FAM117B: variants seen among roughly 807,000 people sequenced by gnomAD.
The protein encoded by FAM117B is family with sequence similarity 117 member B, also known as protein FAM117B.
A neutral mutation model predicts 52.8 loss-of-function variants in FAM117B; 22 were observed. The observed-to-expected ratio is 0.42, with a 90% CI of 0.30 to 0.59. FAM117B has a LOEUF of 0.59. Ranked by LOEUF, FAM117B falls within the 20% of genes least tolerant of loss-of-function variation. The pLI is 0.22. For synonymous variants in FAM117B, 309 were observed against 324.1 expected (o/e 0.95, Z 0.50); for missense variants, 678 against 802.6 (o/e 0.84, Z 1.88).
At chr2:202,685,960 G>C (rs1051897900) in intron 1 of FAM117B, among the ~76,000 whole-genome samples, 1 of 152,104 alleles carries the variant, frequency 6.6e-6, no homozygotes, top group African/African-American at 2.4e-5. Context: ...AATGCTATTC[G>C]AAAGGCACCA....
chr2:202,652,539 G>C (rs1689972689), intron 1 of FAM117B, among the ~76,000 whole-genome samples: 1 of 152,178 alleles, frequency 6.6e-6, no homozygotes, highest in South Asian at 2.1e-4. Flanking sequence ...GTACAAAGAA[G>C]AACATATGTA....
chr2:202,720,514 T>G (rs1342830821), intron 2 of FAM117B, among the ~76,000 whole-genome samples: 1 of 151,994 alleles, frequency 6.6e-6, no homozygotes, highest in Non-Finnish European at 1.5e-5. Flanking sequence ...ATTTTCTATA[T>G]AGCTACAACA....
intron 4 of FAM117B, among the ~76,000 whole-genome samples, chr2:202,741,344 G>A (rs550002245): frequency 1.7e-4 from 23 of 138,678 alleles, no homozygotes; most frequent in South Asian, 9.6e-4. Flanking sequence ...CACTGAACCC[G>A]GGAGGTGGAG....
chr2:202,722,777 G>A (rs1475643961), intron 2 of FAM117B, among the ~76,000 whole-genome samples: 1 of 151,564 alleles, frequency 6.6e-6, no homozygotes, highest in African/African-American at 2.4e-5. Context: ...CCCATGACAC[G>A]AGTTTACCTG....
intron 2 of FAM117B, among the ~76,000 whole-genome samples, chr2:202,704,675 T>C (rs941328433): frequency 6.6e-6 from 1 of 152,284 alleles, no homozygotes; most frequent in Non-Finnish European, 1.5e-5. Context: ...CACTGCAGCC[T>C]CTGCCTCCCA....
chr2:202,660,058 GT>G (rs1172226620), intron 1 of FAM117B, among the ~76,000 whole-genome samples: 1 of 151,234 alleles, frequency 6.6e-6, no homozygotes, highest in Non-Finnish European at 1.5e-5. Flanking sequence ...TTTTATTTTA[GT>G]TTTTTTAATC....
At chr2:202,735,977 A>G (rs1449786515) in intron 4 of FAM117B, among the ~76,000 whole-genome samples, 5 of 152,122 alleles carry the variant, frequency 3.3e-5, no homozygotes, top group Admixed American at 1.3e-4. Flanking sequence ...TGTGGCTGTT[A>G]CTATAGCCTC....
intron 1 of FAM117B, among the ~76,000 whole-genome samples, 179 bp downstream of exon 1, chr2:202,635,967 A>G (rs1033461683): frequency 6.7e-6 from 1 of 150,188 alleles, no homozygotes; most frequent in Non-Finnish European, 1.5e-5. Flanking sequence ...TCCCGGGCCT[A>G]CCCTACGCCC....
chr2:202,718,842 C>G (rs997391423), intron 2 of FAM117B, among the ~76,000 whole-genome samples: 1 of 152,128 alleles, frequency 6.6e-6, no homozygotes, highest in Admixed American at 6.5e-5. Context: ...ACTGTGCCTA[C>G]CGACCTCCCC....
chr2:202,760,670 A>T (rs1366600846), intron 7 of FAM117B, among the ~76,000 whole-genome samples: 1 of 151,926 alleles, frequency 6.6e-6, no homozygotes, highest in African/African-American at 2.4e-5. Context: ...TGGAAGTCTG[A>T]TTCTCAGTTT....
chr2:202,674,079 T>G (rs1690341844), intron 1 of FAM117B, among the ~76,000 whole-genome samples: 1 of 152,184 alleles, frequency 6.6e-6, no homozygotes, highest in African/African-American at 2.4e-5. Context: ...CAGTACTTAC[T>G]TCTTCTGTTT....
intron 2 of FAM117B, among the ~76,000 whole-genome samples, chr2:202,705,501 G>C (rs1455860813): frequency 6.6e-6 from 1 of 151,980 alleles, no homozygotes; most frequent in East Asian, 1.9e-4. Flanking sequence ...CTGTCTGTTT[G>C]GCAGCCATTC....
intron 1 of FAM117B, among the ~76,000 whole-genome samples, chr2:202,642,012 G>T (rs1168287480): frequency 6.8e-6 from 1 of 147,736 alleles, no homozygotes; most frequent in South Asian, 2.2e-4. Context: ...GTGTGATCTC[G>T]GCTTACTGCA....
intron 7 of FAM117B, among the ~76,000 whole-genome samples, chr2:202,762,481 A>T (rs370061047): frequency 1.6e-4 from 25 of 152,354 alleles, no homozygotes; most frequent in African/African-American, 5.3e-4. Context: ...AGATTCTTAC[A>T]CATTATGGCT....
At chr2:202,668,753 G>T (rs1046989612) in intron 1 of FAM117B, among the ~76,000 whole-genome samples, 5 of 151,942 alleles carry the variant, frequency 3.3e-5, no homozygotes, top group African/African-American at 1.2e-4. Context: ...AGTAATATTT[G>T]AATGCATGTC....
intron 1 of FAM117B, among the ~76,000 whole-genome samples, chr2:202,671,625 T>G (rs1690299976): frequency 6.6e-6 from 1 of 152,244 alleles, no homozygotes; most frequent in Non-Finnish European, 1.5e-5. Flanking sequence ...GGGTGGGACA[T>G]TGATAGATTC....
intron 1 of FAM117B, among the ~76,000 whole-genome samples, chr2:202,674,561 G>C (rs1273970836): frequency 6.6e-6 from 1 of 152,168 alleles, no homozygotes; most frequent in Non-Finnish European, 1.5e-5. Flanking sequence ...ATACCCCTAG[G>C]AGGACCCGGT....
intron 1 of FAM117B, among the ~76,000 whole-genome samples, chr2:202,679,958 G>C (rs1690437955): frequency 6.6e-6 from 1 of 152,112 alleles, no homozygotes; most frequent in Non-Finnish European, 1.5e-5. Context: ...TGTTCAGTAT[G>C]CTCAGAGATT....
chr2:202,749,041 C>T (rs761629365), intron 4 of FAM117B, among the ~76,000 whole-genome samples: 21 of 151,680 alleles, frequency 1.4e-4, no homozygotes, highest in Admixed American at 4.6e-4. Flanking sequence ...TGAAACTTAG[C>T]AAAGGTTTAG....
Sources: gnomAD v4.1 joint callset for allele counts (sites outside exome capture counted in the v4.1 genomes callset) on GRCh38, gnomAD v4.1.1 for gene constraint, MANE v1.5 for transcripts, NCBI Gene and HGNC (gene_info 2026-07-23, HGNC 2026-07-21) for gene names.